Variants in NEDD4 observed in about 807,000 individuals in gnomAD.
NEDD4 encodes the protein NEDD4 E3 ubiquitin protein ligase, also known as E3 ubiquitin-protein ligase NEDD4.
Under a neutral mutation model 144.9 loss-of-function variants are expected in NEDD4, and 99 were observed. The observed-to-expected ratio is 0.68, with a 90% CI of 0.58 to 0.81. NEDD4 has a LOEUF of 0.81. Among genes scored for constraint, NEDD4 ranks in the 30% least tolerant of loss-of-function variants. The probability of loss-of-function intolerance (pLI) is 0.00; values close to 1 mark genes in which losing one functional copy is unlikely to be tolerated. For missense variants in NEDD4, 985 were observed against 1,065.9 expected (o/e 0.92, Z 1.06); for synonymous variants, 318 against 350.6 (o/e 0.91, Z 1.04).
rs529958774 is a variant in NEDD4 at position 55,945,197 on chromosome 15, G to A, written c.237+6179C>T. On this transcript the variant is annotated intron_variant, in intron 4 of 28. Transcript: ENST00000435532. Reference sequence around the variant, plus strand: ...TGACAGAAGTAGGCTTCAGAAGGTCGGTAAAAACAAACTTCTCCAAGCTAA... The same window carrying A: ...TGACAGAAGTAGGCTTCAGAAGGTCAGTAAAAACAAACTTCTCCAAGCTAA... Among the ~76,000 whole-genome samples the A allele has an allele frequency of 4.6e-5, 7 of 152,132 alleles. No individual in the cohort carries two copies. In the South Asian group the frequency reaches 1.0e-3, roughly 23 times the overall value.
intron 4 of NEDD4, among the ~76,000 whole-genome samples, chr15:55,940,962 C>A (rs772431036): frequency 6.9e-4 from 105 of 152,182 alleles, no homozygotes; most frequent in Middle Eastern, 3.4e-3. Context: ...TCTGTTTCTA[C>A]TTATATTGGT....
At chr15:55,948,632 C>T (rs551704500) in intron 4 of NEDD4, among the ~76,000 whole-genome samples, 1 of 152,180 alleles carries the variant, frequency 6.6e-6, no homozygotes, top group East Asian at 1.9e-4. Flanking sequence ...CAGAAAAGAG[C>T]CCTCAGAAAT....
intron 4 of NEDD4, among the ~76,000 whole-genome samples, chr15:55,931,523 T>A (rs2036781348): frequency 6.6e-6 from 1 of 151,614 alleles, no homozygotes; most frequent in Non-Finnish European, 1.5e-5. Flanking sequence ...AGAAAAAAAA[T>A]AAAAATATCA....
chr15:55,947,376 AC>A (rs2037137065), intron 4 of NEDD4, among the ~76,000 whole-genome samples: 1 of 152,248 alleles, frequency 6.6e-6, no homozygotes, highest in Non-Finnish European at 1.5e-5. Flanking sequence ...ATCAGAGAAT[AC>A]TATAAACACC....
intron 5 of NEDD4, among the ~76,000 whole-genome samples, chr15:55,883,559 T>G (rs1357552365): frequency 1.3e-5 from 2 of 152,064 alleles, no homozygotes; most frequent in Non-Finnish European, 1.5e-5. Context: ...AGCGAGTGGT[T>G]ACAGCAGGCC....
chr15:55,982,950 C>T (rs901294146), intron 1 of NEDD4, among the ~76,000 whole-genome samples: 31 of 151,792 alleles, frequency 2.0e-4, no homozygotes, highest in Admixed American at 1.2e-3. Context: ...GGTGAAACCC[C>T]GTCTCTACTA....
At chr15:55,830,695 C>G in intron 27 of NEDD4, 109 bp from the exon 28 acceptor site, 2 of 819,808 alleles carry the variant, frequency 2.4e-6, no homozygotes, top group Non-Finnish European at 4.1e-6. Flanking sequence ...GGGAACTAAT[C>G]TGGTTTATTT....
At chr15:55,922,215 A>T (rs1339242842) in intron 5 of NEDD4, among the ~76,000 whole-genome samples, 1 of 152,238 alleles carries the variant, frequency 6.6e-6, no homozygotes, top group Non-Finnish European at 1.5e-5. Flanking sequence ...TAGCATTATG[A>T]TTTTTCAGAA....
chr15:55,979,717 G>A lies in NEDD4; in HGVS notation c.46-13171C>T, dbSNP rs1364594046. 2.6e-5 allele frequency among the ~76,000 whole-genome samples: 4 copies of A among 152,018 alleles called. No homozygotes were observed. In the East Asian group the frequency reaches 7.7e-4, roughly 29 times the overall value. Reference sequence around the variant, plus strand: ...CTATTTTTTCTTTAAAGAAAGTTCTGTCCTTTCTTCAAAGCCCAAATGCCA... The same window carrying A: ...CTATTTTTTCTTTAAAGAAAGTTCTATCCTTTCTTCAAAGCCCAAATGCCA... On this transcript the variant is annotated intron_variant, in intron 1 of 28. Coordinates refer to ENST00000435532, the MANE Select transcript of NEDD4 (RefSeq NM_006154.4).
intron 24 of NEDD4, among the ~76,000 whole-genome samples, chr15:55,836,593 T>C (rs2033210070): frequency 6.6e-6 from 1 of 152,104 alleles, no homozygotes; most frequent in Admixed American, 6.5e-5. Context: ...TGGCGTAATC[T>C]TGGCTCACTG....
chr15:55,947,558 G>A (rs1037827639), intron 4 of NEDD4, among the ~76,000 whole-genome samples: 10 of 152,226 alleles, frequency 6.6e-5, no homozygotes, highest in Admixed American at 1.3e-4. Flanking sequence ...AGGACCAGAC[G>A]TATTCACAGC....
chr15:55,980,175 G>T (rs2037775111), intron 1 of NEDD4, among the ~76,000 whole-genome samples: 1 of 152,024 alleles, frequency 6.6e-6, no homozygotes, highest in Non-Finnish European at 1.5e-5. Flanking sequence ...CAGGTGATCT[G>T]CCTGCCTTTG....
chr15:55,904,904 C>T (rs571329777), intron 5 of NEDD4, among the ~76,000 whole-genome samples: 2 of 151,812 alleles, frequency 1.3e-5, no homozygotes, highest in African/African-American at 4.8e-5. Context: ...ACTAGCCTGA[C>T]CAACATGGAG....
At chr15:55,886,098 CAAAG>C (rs774465410) in intron 5 of NEDD4, among the ~76,000 whole-genome samples, 13 of 151,898 alleles carry the variant, frequency 8.6e-5, no homozygotes, top group South Asian at 2.1e-4. Flanking sequence ...TAAAAAAAGA[CAAAG>C]AAGGTCATTA....
At position 55,829,670 on chromosome 15, in the gene NEDD4, A is replaced by C; in HGVS notation, c.*227T>G. The C allele has an allele frequency of 1.0e-5, 4 of 401,304 alleles. No individual in the cohort carries two copies. The highest frequency in any genetic ancestry group is 9.0e-6 in the Non-Finnish European group (2 of 222,604). The allele number at this position is 401,304 out of a possible 1,614,324, so 24.9% of individuals were successfully genotyped here. On this transcript the variant is annotated 3_prime_UTR_variant, in exon 29 of 29. Coordinates refer to ENST00000435532, the MANE Select transcript of NEDD4 (RefSeq NM_006154.4). ...TGGTGGTGCCTGGCTTTAGGCAGGC[A>C]CCTAACTCTAAAGACAGCATGAAAC...
chr15:55,956,121 C>CT lies in NEDD4; in HGVS notation c.120-4533dup, dbSNP rs1179397504. ...GAGCCACCATGCCCAGCCCACATTT[C>CT]TTTTTTTTATGTTTTTAATTTTTGT... On this transcript the variant is annotated intron_variant, in intron 2 of 28. Transcript: ENST00000435532. 3.3e-5 allele frequency among the ~76,000 whole-genome samples: 5 copies of CT among 151,868 alleles called. No individual in the cohort carries two copies. In the East Asian group the frequency reaches 9.7e-4, roughly 29 times the overall value.
intron 5 of NEDD4, among the ~76,000 whole-genome samples, chr15:55,911,048 C>A (rs1347665624): frequency 2.7e-5 from 4 of 150,364 alleles, no homozygotes; most frequent in Non-Finnish European, 5.9e-5. Context: ...CCCAGGCTAC[C>A]CTATGCTTGA....
chr15:55,901,782 T>A, intron 5 of NEDD4, among the ~76,000 whole-genome samples: 1 of 152,122 alleles, frequency 6.6e-6, no homozygotes, highest in Non-Finnish European at 1.5e-5. Context: ...CACTTTACAG[T>A]TTACAGTGCC....
At chr15:55,972,495 C>T (rs1360309052) in intron 1 of NEDD4, among the ~76,000 whole-genome samples, 1 of 152,120 alleles carries the variant, frequency 6.6e-6, no homozygotes, top group Non-Finnish European at 1.5e-5. Flanking sequence ...TTGCAACCCT[C>T]ATGTAACATC....
Sources: allele counts gnomAD v4.1 joint callset (sites outside exome capture counted in the v4.1 genomes callset), GRCh38; gene constraint gnomAD v4.1.1; transcripts MANE v1.5; gene names NCBI Gene and HGNC (gene_info 2026-07-23, HGNC 2026-07-21).